Variants in BDP1 observed in about 807,000 individuals in gnomAD.
BDP1 encodes the protein transcription factor TFIIIB component B'' homolog.
A neutral mutation model predicts 266.6 loss-of-function variants in BDP1; 169 were observed. The observed-to-expected ratio is 0.63, with a 90% confidence interval of 0.56 to 0.72. BDP1 has a LOEUF of 0.72. Among genes scored for constraint, BDP1 ranks in the 30% least tolerant of loss-of-function variants. The pLI is 0.00. For synonymous variants in BDP1, 1,090 were observed against 1,022.4 expected, an observed-to-expected ratio of 1.07 and a Z score of -1.26; for missense variants, 3,015 against 3,053.8, an observed-to-expected ratio of 0.99 and a Z score of 0.30.
In BDP1 at chr5:71,516,218, G is replaced by A. The variant is rs2016780647; in HGVS notation, c.4807G>A (p.Glu1603Lys). The A allele has an allele frequency of 6.2e-7, 1 of 1,613,322 alleles. No homozygotes were observed. The highest frequency in any genetic ancestry group is 8.5e-7 in the Non-Finnish European group (1 of 1,179,628). The change falls in exon 21 of 39, where the codon GAA (glutamate) becomes AAA (lysine). Residue 1603 changes from glutamate to lysine, a missense_variant. This residue lies in a region of BDP1 where 2,383 missense variants were observed against 2,404.9 expected (regional missense o/e 0.99). Transcript: ENST00000358731. ...AGGTGAAGCCAAAGGCATAATTAAG[G>A]AAGGAAGAACGATATTACCAAAAGA... ...DKGEAKGIIK[E>K]GRTILPKDET...
intron 28 of BDP1, among the ~76,000 whole-genome samples, chr5:71,540,330 CTTAT>C (rs1053403969): frequency 6.6e-6 from 1 of 151,938 alleles, no homozygotes; most frequent in East Asian, 1.9e-4. Context: ...TACCATTCAT[CTTAT>C]TTATTTATTT....
At chr5:71,501,793 G>A in intron 14 of BDP1, 140 bp downstream of exon 14, 1 of 603,088 alleles carries the variant, frequency 1.7e-6, no homozygotes, top group South Asian at 2.3e-5. Flanking sequence ...AACCATAGGT[G>A]GTTTTGAAAC....
rs758358136 is a variant in BDP1 at position 71,523,995 on chromosome 5, C to T, written c.5444C>T (p.Thr1815Ile). The T allele has an allele frequency of 3.1e-6, 5 of 1,613,996 alleles. No individual in the cohort carries two copies. The African/African-American group carries it at 6.7e-5, about 22-fold the overall frequency. The change falls in exon 25 of 39, where the codon ACA becomes ATA. Residue 1815 changes from threonine to isoleucine, a missense_variant. Around this residue, in one of 3 missense-constraint regions of BDP1, gnomAD observed 2,383 missense variants for 2,404.9 expected, o/e 0.99. Coordinates refer to ENST00000358731, the MANE Select transcript of BDP1 (RefSeq NM_018429.3). ...TCTAAAATTGCCCTGGATGGGAAAA[C>T]AACTATCTCTTCTACATCTGAGTAT... is the stretch of plus-strand genomic sequence containing the variant. ...SYSKIALDGKTTISSTSEYER... is the reference protein window; with the variant it reads ...SYSKIALDGKITISSTSEYER...
At chr5:71,564,088 A>T (rs1743869538) in intron 38 of BDP1, among the ~76,000 whole-genome samples, 1 of 152,130 alleles carries the variant, frequency 6.6e-6, no homozygotes, top group Non-Finnish European at 1.5e-5. Flanking sequence ...ATGGTTATAT[A>T]GTTGTCCAAC....
chr5:71,521,187 CAAAA>C (rs113805483), intron 22 of BDP1, among the ~76,000 whole-genome samples: 1 of 68,614 alleles, frequency 1.5e-5, no homozygotes, highest in African/African-American at 4.6e-5. Flanking sequence ...AACTCCGTCT[CAAAA>C]AAAAAAAAAA....
rs200789769 is a variant in BDP1 at position 71,490,897 on chromosome 5, A to AAC, written c.1493-86_1493-85insCA. 176 of 1,142,172 alleles carry AAC rather than the reference A, an allele frequency of 1.5e-4. No individual in the cohort carries two copies. In the South Asian group the frequency reaches 3.2e-3, roughly 21 times the overall value. The allele number at this position is 1,142,172 out of a possible 1,614,324, so 70.8% of individuals were successfully genotyped here. ...AATGTTGCTTAAGGTTTTGTAGGAAAAGAGTGTTATAGGTAAATTCCTTTG... is the reference window on the plus strand; with the variant it reads ...AATGTTGCTTAAGGTTTTGTAGGAAAACAGAGTGTTATAGGTAAATTCCTTTG... On this transcript the variant is annotated intron_variant, in intron 10 of 38. Transcript: ENST00000358731.
intron 37 of BDP1, 55 bp downstream of exon 37, chr5:71,560,292 C>A: frequency 6.4e-7 from 1 of 1,551,826 alleles, no homozygotes; most frequent in Non-Finnish European, 8.8e-7. Context: ...ATAAATATAA[C>A]CTATACAGAA....
intron 34 of BDP1, 48 bp from the exon 35 acceptor site, chr5:71,553,068 A>C (rs1168793495): frequency 6.9e-7 from 1 of 1,443,746 alleles, no homozygotes; most frequent in African/African-American, 1.4e-5. Context: ...AAAAAGTGTT[A>C]AATAACTTCT....
intron 32 of BDP1, among the ~76,000 whole-genome samples, chr5:71,546,284 C>T (rs1742300906): frequency 6.6e-6 from 1 of 151,936 alleles, no homozygotes; most frequent in African/African-American, 2.4e-5. Context: ...CAATATTTTG[C>T]CTCATTTGTT....
At chr5:71,519,738 A>G (rs1380892386) in intron 22 of BDP1, among the ~76,000 whole-genome samples, 2 of 152,156 alleles carry the variant, frequency 1.3e-5, no homozygotes, top group African/African-American at 2.4e-5. Context: ...GGTTGATATT[A>G]TGTGTTGGCT....
chr5:71,534,504 T>TTTG (rs1554123908), intron 26 of BDP1, among the ~76,000 whole-genome samples: 2 of 151,966 alleles, frequency 1.3e-5, no homozygotes, highest in Non-Finnish European at 2.9e-5. Context: ...AAGTTTTTTT[T>TTTG]TTGTTGTTGT....
At chr5:71,500,294 T>G (rs1764146573) in intron 13 of BDP1, among the ~76,000 whole-genome samples, 1 of 150,870 alleles carries the variant, frequency 6.6e-6, no homozygotes, top group Non-Finnish European at 1.5e-5. Flanking sequence ...CTTTTTTTCT[T>G]TGAAGTGTTG....
Position 71,544,515 on chromosome 5 carries a change from A to T in BDP1, c.6563+8A>T, listed in dbSNP as rs780321325. 6.2e-7 allele frequency: 1 copy of T among 1,604,502 alleles called. No individual in the cohort carries two copies. The highest frequency in any genetic ancestry group is 2.2e-5 in the East Asian group (1 of 44,768). On this transcript the variant is annotated splice_region_variant and intron_variant, in intron 31 of 38. Transcript: ENST00000358731. ...AGTAAACCTAACTGAAAGGTAAAAG[A>T]GTGAAGAGGTTCTGAGATTCAGTTT...
Position 71,497,351 on chromosome 5 carries a change from G to C in BDP1, c.1881G>C (p.Gly627=). ...CTAAACCCAATTTGTCAAGGGCTGG[G>C]AAGAAATCAGTTCTTTCACAAGGCA... The part of the protein sequence containing the change: ...QRPKPNLSRA[G]KKSVLSQGKT... The change falls in exon 13 of 39, where the codon GGG becomes GGC. Residue 627 remains glycine (G), a synonymous_variant. Coordinates refer to ENST00000358731, the MANE Select transcript of BDP1 (RefSeq NM_018429.3). The C allele has an allele frequency of 6.2e-7, 1 of 1,613,788 alleles. No homozygotes were observed. Among genetic ancestry groups the C allele is most frequent in the Admixed American group, 1.7e-5 (1 of 60,020 alleles).
At chr5:71,519,369 A>G (rs1172973007) in intron 22 of BDP1, among the ~76,000 whole-genome samples, 1 of 152,186 alleles carries the variant, frequency 6.6e-6, no homozygotes, top group Non-Finnish European at 1.5e-5. Context: ...ATTGTTAACT[A>G]TAATTTTTCC....
downstream of BDP1, among the ~76,000 whole-genome samples, chr5:71,572,730 C>G (rs957543978): frequency 2.6e-5 from 4 of 152,158 alleles, no homozygotes; most frequent in African/African-American, 9.7e-5. Context: ...TATTAAAACT[C>G]TTGATGTGGA....
Position 71,456,063 on chromosome 5 carries a change from G to A in BDP1, c.186G>A (p.Glu62=). 6.2e-7 allele frequency: 1 copy of A among 1,613,296 alleles called. No individual in the cohort carries two copies. The highest frequency in any genetic ancestry group is 8.5e-7 in the Non-Finnish European group (1 of 1,180,024). Residue 62 remains glutamate, a synonymous_variant, in exon 1 of 39, where the codon GAG becomes GAA. Transcript: ENST00000358731. ...DVPTVDFGGA[E]PQEKAPRSST... is the part of the protein sequence containing the mutation. Reference sequence around the variant, plus strand: ...CCACAGTCGATTTCGGTGGAGCGGAGCCCCAAGAAAAGGCTCCTAGGAGCA... The same window carrying A: ...CCACAGTCGATTTCGGTGGAGCGGAACCCCAAGAAAAGGCTCCTAGGAGCA...
rs758551085 is a variant in BDP1, at chr5:71,553,184, C to G, written c.7064C>G (p.Ser2355Cys). ...MGLSISGRDN[S>C]KKPPDNLDLV... is the part of the protein sequence containing the mutation. ...TTATCTATTTCTGGAAGAGATAATT[C>G]TAAAAAGCCGCCTGATAATTTGGAT... Residue 2355 changes from serine (S) to cysteine (C), a missense_variant, in exon 35 of 39, where the codon TCT becomes TGT. Around this residue, in one of 3 missense-constraint regions of BDP1, gnomAD observed 629 missense variants for 632.5 expected, o/e 0.99. Coordinates refer to ENST00000358731, the MANE Select transcript of BDP1 (RefSeq NM_018429.3). 3.1e-6 allele frequency: 5 copies of G among 1,613,264 alleles called. No homozygotes were observed. Among genetic ancestry groups the G allele is most frequent in the Non-Finnish European group, 3.4e-6 (4 of 1,179,912 alleles).
At chr5:71,536,435 T>G (rs367578230) in intron 26 of BDP1, among the ~76,000 whole-genome samples, 1 of 152,242 alleles carries the variant, frequency 6.6e-6, no homozygotes, top group South Asian at 2.1e-4. Context: ...ATTAACAAAA[T>G]TATTAGGAAA....
Sources: gnomAD v4.1 joint callset for allele counts (sites outside exome capture counted in the v4.1 genomes callset) on GRCh38, gnomAD v4.1.1 for gene constraint, gnomAD v4.1.1 regional missense constraint, MANE v1.5 for transcripts, NCBI Gene and HGNC (gene_info 2026-07-23, HGNC 2026-07-21) for gene names.